Variants in HDAC4 observed in about 807,000 individuals in gnomAD.
HDAC4 encodes histone deacetylase A.
Under a neutral mutation model 135.1 loss-of-function variants are expected in HDAC4, and 16 were observed. The ratio of observed to expected loss-of-function variants is 0.12; its 90% CI spans 0.08 to 0.18. The LOEUF (loss-of-function observed/expected upper bound fraction) is 0.18, where lower values mean the gene tolerates loss of function less well. Among genes scored for constraint, HDAC4 ranks in the 10% least tolerant of loss-of-function variants. HDAC4 has a pLI of 1.00. For missense variants in HDAC4, 1,143 were observed against 1,511.8 expected (o/e 0.76, Z 4.05); for synonymous variants, 685 against 653.4 (o/e 1.05, Z -0.74).
intron 3 of HDAC4, among the ~76,000 whole-genome samples, chr2:239,195,302 G>T (rs1036927664): frequency 6.6e-6 from 1 of 152,196 alleles, no homozygotes; most frequent in Non-Finnish European, 1.5e-5. Context: ...CATCCCATGC[G>T]CACCTCCGGC....
At chr2:239,147,513 G>C (rs972520877) in intron 7 of HDAC4, among the ~76,000 whole-genome samples, 3 of 152,272 alleles carry the variant, frequency 2.0e-5, no homozygotes, top group African/African-American at 7.2e-5. Flanking sequence ...ACGTGTACTG[G>C]CTCAGTGCAG....
At chr2:239,197,874 T>TGTGTGC (rs1435580166) in intron 3 of HDAC4, among the ~76,000 whole-genome samples, 1 of 151,174 alleles carries the variant, frequency 6.6e-6, no homozygotes, top group Admixed American at 6.6e-5. Flanking sequence ...TGTGTGTGTG[T>TGTGTGC]GTGTGTGTGC....
rs917463284 is a variant in HDAC4, at chr2:239,137,986, T to G, written c.978+1698A>C. ...ATGCAGACCCACCCAAACAAGGCAC[T>G]GTTCCAATATTAACTACCATGTACA... On this transcript the variant is annotated intron_variant, in intron 9 of 26. Coordinates refer to ENST00000543185, the MANE Select transcript of HDAC4 (RefSeq NM_001378414.1). Among the ~76,000 whole-genome samples the G allele has an allele frequency of 1.3e-5, 2 of 152,220 alleles. 1 individual carries two copies. Among genetic ancestry groups the G allele is most frequent in the South Asian group, 4.1e-4 (2 of 4,836 alleles).
intron 2 of HDAC4, among the ~76,000 whole-genome samples, chr2:239,345,449 G>GCTACT (rs1409841492): frequency 6.6e-6 from 1 of 151,970 alleles, no homozygotes; most frequent in African/African-American, 2.4e-5. Context: ...GGTGGTCCCA[G>GCTACT]CTACTCGGGA....
At chr2:239,353,007 TC>T (rs1472777275) in intron 1 of HDAC4, 89 bp from the exon 2 acceptor site, 2 of 401,620 alleles carry the variant, frequency 5.0e-6, no homozygotes, top group African/African-American at 2.0e-5. Context: ...AATGATGACT[TC>T]CTCTTTTTTT....
rs138880023 is a variant in HDAC4, at chr2:239,236,459, C to T, written c.94+134G>A. 155 of 701,794 alleles carry T rather than the reference C, an allele frequency of 2.2e-4. 2 individuals are homozygous for T. Among genetic ancestry groups the T allele is most frequent in the African/African-American group, 2.2e-3 (125 of 56,742 alleles). 43.5% of individuals were successfully genotyped at this position (701,794 alleles called of 1,614,324 possible). ...CCTCTTTTACCACCAGGAAGAGCAC[C>T]CAAATTCAGTGAACCTGATACCCCA... is the stretch of plus-strand genomic sequence containing the variant. On this transcript the variant is annotated intron_variant, in intron 3 of 26. Coordinates refer to ENST00000543185, the MANE Select transcript of HDAC4 (RefSeq NM_001378414.1).
chr2:239,225,525 G>A (rs2047188151), intron 3 of HDAC4, among the ~76,000 whole-genome samples: 1 of 152,236 alleles, frequency 6.6e-6, no homozygotes, highest in Non-Finnish European at 1.5e-5. Context: ...CCCAGGGGGG[G>A]ATGAGAAACA....
chr2:239,103,023 T>C (rs767501493), intron 15 of HDAC4, 127 bp from the exon 16 acceptor site: 34 of 1,175,288 alleles, frequency 2.9e-5, no homozygotes, highest in Non-Finnish European at 4.1e-5. Flanking sequence ...ACAAGCATGT[T>C]ATTTGGTTAC....
rs1157636428 is a variant in HDAC4, at chr2:239,053,030, GAA to G, written c.*65_*66del. 3 of 1,590,952 alleles carry G rather than the reference GAA, an allele frequency of 1.9e-6. No individual in the cohort carries two copies. The African/African-American group carries it at 4.0e-5, about 21-fold the overall frequency. On this transcript the variant is annotated 3_prime_UTR_variant, in exon 27 of 27. Transcript: ENST00000543185. ...ACGGTGGGACGCAGGCGTGACACGG[GAA>G]AGTTTCTTGGCTGAGCTTCAAGACA...
intron 2 of HDAC4, among the ~76,000 whole-genome samples, chr2:239,243,871 G>C (rs1288413818): frequency 6.6e-6 from 1 of 152,132 alleles, no homozygotes; most frequent in Non-Finnish European, 1.5e-5. Flanking sequence ...AAAAAGCCCG[G>C]ACTTGATTCA....
At chr2:239,108,214 G>T (rs377390854) in intron 14 of HDAC4, 31 bp from the exon 15 acceptor site, 1 of 1,579,396 alleles carries the variant, frequency 6.3e-7, no homozygotes, top group East Asian at 2.3e-5. Context: ...CAAGATCAGC[G>T]CACATCCAGG....
At chr2:239,346,115 G>A (rs1040613697) in intron 2 of HDAC4, among the ~76,000 whole-genome samples, 73 of 114,634 alleles carry the variant, frequency 6.4e-4, no homozygotes, top group South Asian at 3.1e-4. Context: ...CATACACACC[G>A]TCTGAAACAC....
At chr2:239,334,158 A>G (rs572291314) in intron 2 of HDAC4, among the ~76,000 whole-genome samples, 1 of 152,230 alleles carries the variant, frequency 6.6e-6, no homozygotes, top group Admixed American at 6.5e-5. Context: ...TTGTGCTTCT[A>G]AACATTACAA....
intron 2 of HDAC4, among the ~76,000 whole-genome samples, chr2:239,242,378 T>A (rs1460351347): frequency 6.6e-6 from 1 of 152,224 alleles, no homozygotes; most frequent in Non-Finnish European, 1.5e-5. Flanking sequence ...CTCTCAGAAA[T>A]GTTTCAGAAT....
chr2:239,194,165 C>T (rs1009891895), intron 3 of HDAC4, among the ~76,000 whole-genome samples: 1 of 152,260 alleles, frequency 6.6e-6, no homozygotes, highest in East Asian at 1.9e-4. Context: ...GGACAGGCAG[C>T]GCCCTCTGAA....
At position 239,102,909 on chromosome 2, in the gene HDAC4, G is replaced by A; in HGVS notation, c.2113-13C>T. 1 of 1,613,662 alleles carries A rather than the reference G, an allele frequency of 6.2e-7. No homozygotes were observed. The highest frequency in any genetic ancestry group is 8.5e-7 in the Non-Finnish European group (1 of 1,179,972). On this transcript the variant is annotated splice_polypyrimidine_tract_variant and intron_variant, in intron 15 of 26. Coordinates refer to ENST00000543185, the MANE Select transcript of HDAC4 (RefSeq NM_001378414.1). ...GTCCGCGGATGCACTGTGGGGACAGGCGAGAGGACACTCACACGTTCTGCA... is the reference window on the plus strand; with the variant it reads ...GTCCGCGGATGCACTGTGGGGACAGACGAGAGGACACTCACACGTTCTGCA...
In HDAC4 at chr2:239,262,262, G is replaced by A. The variant is rs564814099; in HGVS notation, c.23-25598C>T. Among the ~76,000 whole-genome samples the A allele has an allele frequency of 6.6e-6, 1 of 152,296 alleles. No homozygotes were observed. Among genetic ancestry groups the A allele is most frequent in the South Asian group, 2.1e-4 (1 of 4,832 alleles). ...GGGGAATCCTAAATTTCTGTGATGT[G>A]AGATAAAATTTTAGTGGGATTACAG... On this transcript the variant is annotated intron_variant, in intron 2 of 26. Coordinates refer to ENST00000543185, the MANE Select transcript of HDAC4 (RefSeq NM_001378414.1). This position sits in a 1 kb window ranked among gnomAD's most constrained non-coding sequence, Gnocchi z 4.1.
chr2:239,315,225 C>T (rs77585886), intron 2 of HDAC4, among the ~76,000 whole-genome samples: 3,520 of 152,310 alleles, frequency 0.023, 144 homozygotes, highest in African/African-American at 0.079. Context: ...TACTGACAGA[C>T]GCCTCATGTC....
chr2:239,270,532 A>G (rs1312809224), intron 2 of HDAC4, among the ~76,000 whole-genome samples: 1 of 152,230 alleles, frequency 6.6e-6, no homozygotes, highest in African/African-American at 2.4e-5. Context: ...GAATAAGCTG[A>G]AATAGTCCGG....
Sources: gnomAD v4.1 joint callset for allele counts (sites outside exome capture counted in the v4.1 genomes callset) on GRCh38, gnomAD v4.1.1 for gene constraint, Gnocchi (gnomAD v3.1) non-coding constraint, MANE v1.5 for transcripts, NCBI Gene and HGNC (gene_info 2026-07-23, HGNC 2026-07-21) for gene names.